The following EFR3A variants were observed in gnomAD, a reference collection of about 807,000 sequenced individuals.
EFR3A encodes the protein EFR3 homolog A, also known as protein EFR3 homolog A.
EFR3A carries 76 observed loss-of-function variants against 104.4 expected under a neutral mutation model. That is an observed-to-expected ratio of 0.73 (90% CI 0.60 to 0.88). The LOEUF is 0.88. Among genes scored for constraint, EFR3A ranks in the 40% least tolerant of loss-of-function variants. The probability of loss-of-function intolerance (pLI) is 0.00; values close to 1 mark genes in which losing one functional copy is unlikely to be tolerated. For missense variants in EFR3A, 985 were observed against 1,012.5 expected (o/e 0.97, Z 0.37); for synonymous variants, 330 against 330.0 (o/e 1.00, Z 0.00).
chr8:131,918,646 A>G (rs762898602), intron 1 of EFR3A, among the ~76,000 whole-genome samples: 4 of 152,146 alleles, frequency 2.6e-5, no homozygotes, highest in Non-Finnish European at 5.9e-5. Flanking sequence ...AATCATCTCA[A>G]TTCAAATGAA....
At chr8:131,942,516 A>G (rs1818212819) in intron 2 of EFR3A, among the ~76,000 whole-genome samples, 1 of 152,106 alleles carries the variant, frequency 6.6e-6, no homozygotes, top group Non-Finnish European at 1.5e-5. Context: ...TAATGGAAGT[A>G]ATAAGTAGTA....
chr8:131,911,987 G>A (rs145001620), intron 1 of EFR3A, among the ~76,000 whole-genome samples: 316 of 152,310 alleles, frequency 2.1e-3, no homozygotes, highest in Non-Finnish European at 3.2e-3. Flanking sequence ...TTATGACTGG[G>A]TTTGGGGAAA....
rs892946856 is a variant in EFR3A, at chr8:131,908,854, T to A, written c.10+4532T>A. 1.4e-4 allele frequency among the ~76,000 whole-genome samples: 22 copies of A among 152,234 alleles called. 1 individual carries two copies. Among genetic ancestry groups the A allele is most frequent in the African/African-American group, 5.3e-4 (22 of 41,448 alleles). On this transcript the variant is annotated intron_variant, in intron 1 of 22. Transcript: ENST00000254624. ...ATTGAATCTTTACAAAATTTTTAAA[T>A]TGATACATAATATTTTCACATTTAT...
Position 131,996,409 on chromosome 8 carries a change from A to G in EFR3A, c.2069A>G (p.Glu690Gly), listed in dbSNP as rs1178942203. 1 of 1,573,654 alleles carries G rather than the reference A, an allele frequency of 6.4e-7. No homozygotes were observed. The highest frequency in any genetic ancestry group is 1.4e-5 in the African/African-American group (1 of 73,728). Residue 690 changes from glutamate to glycine, a missense_variant, in exon 19 of 23, where the codon GAA becomes GGA. By Grantham distance (98) the Glu-to-Gly change is moderately conservative (BLOSUM62 -2). Coordinates refer to ENST00000254624, the MANE Select transcript of EFR3A (RefSeq NM_015137.6). ...SVPYVPQVTD[E>G]DRLSRRKSIV... is the part of the protein sequence containing the mutation. Reference sequence around the variant, plus strand: ...GAAGAAAACAATTTTATTTTAGATGAAGATCGACTTTCTAGAAGAAAAAGC... The same window carrying G: ...GAAGAAAACAATTTTATTTTAGATGGAGATCGACTTTCTAGAAGAAAAAGC...
chr8:132,002,372 C>T (rs970632558), intron 20 of EFR3A, among the ~76,000 whole-genome samples: 6 of 152,120 alleles, frequency 3.9e-5, no homozygotes, highest in Non-Finnish European at 5.9e-5. Flanking sequence ...GAAAGAGAAT[C>T]TTGTGATGTG....
At chr8:131,941,371 A>C (rs1031640215) in intron 2 of EFR3A, among the ~76,000 whole-genome samples, 4 of 152,056 alleles carry the variant, frequency 2.6e-5, no homozygotes, top group Non-Finnish European at 5.9e-5. Flanking sequence ...TTGACTTCCA[A>C]AATTTGCTTT....
intron 5 of EFR3A, among the ~76,000 whole-genome samples, chr8:131,952,495 T>C (rs1818759165): frequency 6.6e-6 from 1 of 152,150 alleles, no homozygotes; most frequent in Non-Finnish European, 1.5e-5. Context: ...CCATTTAGGC[T>C]GCTGTCTCAC....
intron 8 of EFR3A, among the ~76,000 whole-genome samples, chr8:131,966,246 A>T (rs1029236464): frequency 3.9e-5 from 6 of 152,086 alleles, no homozygotes; most frequent in Admixed American, 3.3e-4. Flanking sequence ...CAAAAAAAAG[A>T]GTTTCTGCAT....
At chr8:131,991,326 T>C (rs1239346258) in intron 18 of EFR3A, among the ~76,000 whole-genome samples, 5 of 152,050 alleles carry the variant, frequency 3.3e-5, no homozygotes, top group African/African-American at 1.2e-4. Context: ...AGTTGAGACT[T>C]GGGTGGGGAC....
At chr8:131,963,314 A>G (rs900485614) in intron 8 of EFR3A, among the ~76,000 whole-genome samples, 4 of 152,224 alleles carry the variant, frequency 2.6e-5, no homozygotes, top group African/African-American at 7.2e-5. Context: ...CAAAATTGAT[A>G]GACTGCTAGC....
chr8:131,948,404 G>A (rs1818539330), intron 4 of EFR3A, among the ~76,000 whole-genome samples: 1 of 152,094 alleles, frequency 6.6e-6, no homozygotes, highest in Non-Finnish European at 1.5e-5. Flanking sequence ...AGAGTGCATG[G>A]CACTGTTAGT....
At chr8:131,991,009 C>T (rs1821155290) in intron 18 of EFR3A, among the ~76,000 whole-genome samples, 1 of 152,110 alleles carries the variant, frequency 6.6e-6, no homozygotes, top group Non-Finnish European at 1.5e-5. Context: ...CATTTTCACA[C>T]TGCTGATAGA....
chr8:131,923,731 G>A (rs1248969308), intron 1 of EFR3A, among the ~76,000 whole-genome samples: 1 of 152,026 alleles, frequency 6.6e-6, no homozygotes, highest in Non-Finnish European at 1.5e-5. Flanking sequence ...TTAGGAACCA[G>A]CATTAGCTGA....
chr8:131,920,957 A>G (rs1816987777), intron 1 of EFR3A, among the ~76,000 whole-genome samples: 1 of 152,232 alleles, frequency 6.6e-6, no homozygotes, highest in African/African-American at 2.4e-5. Flanking sequence ...TCAGACTAGT[A>G]GATGAGGGAT....
chr8:131,959,398 C>A (rs562045590), intron 7 of EFR3A, among the ~76,000 whole-genome samples, 187 bp from the exon 8 acceptor site: 1 of 152,290 alleles, frequency 6.6e-6, no homozygotes, highest in East Asian at 1.9e-4. Context: ...TGGTCCACAG[C>A]ATTGCTTTAG....
chr8:131,949,110 AAAT>A (rs1264426485), intron 4 of EFR3A, among the ~76,000 whole-genome samples: 5 of 152,224 alleles, frequency 3.3e-5, no homozygotes, highest in East Asian at 1.9e-4. Context: ...GAAAAATACT[AAAT>A]AATATCAATA....
intron 19 of EFR3A, among the ~76,000 whole-genome samples, chr8:131,999,521 C>T (rs957303141): frequency 2.6e-5 from 4 of 152,138 alleles, no homozygotes; most frequent in Non-Finnish European, 2.9e-5. Flanking sequence ...TGTTGAAATT[C>T]CTTTAGGATG....
intron 18 of EFR3A, among the ~76,000 whole-genome samples, chr8:131,992,926 A>G (rs1821269865): frequency 6.6e-6 from 1 of 152,184 alleles, no homozygotes; most frequent in South Asian, 2.1e-4. Context: ...CTTAGTTAAC[A>G]TGGTGGTGAC....
At chr8:131,986,768 G>T (rs1406199272) in intron 17 of EFR3A, among the ~76,000 whole-genome samples, 1 of 137,546 alleles carries the variant, frequency 7.3e-6, no homozygotes, top group Admixed American at 8.0e-5. Flanking sequence ...CTGGGTAAAA[G>T]AGCAGAGCGA....
Sources: allele counts gnomAD v4.1 joint callset (sites outside exome capture counted in the v4.1 genomes callset), GRCh38; gene constraint gnomAD v4.1.1; transcripts MANE v1.5; gene names NCBI Gene and HGNC (gene_info 2026-07-23, HGNC 2026-07-21).